PHF21A: variants seen among roughly 807,000 people sequenced by gnomAD.
The protein encoded by PHF21A is BHC80a.
In PHF21A, 11 loss-of-function variants were observed where a neutral mutation model predicts 82.5. The ratio of observed to expected loss-of-function variants is 0.13; its 90% confidence interval spans 0.08 to 0.22. PHF21A has a LOEUF of 0.22. Among genes scored for constraint, PHF21A ranks in the 10% least tolerant of loss-of-function variants. The pLI, the probability that PHF21A is intolerant of heterozygous loss-of-function variation, is 1.00. For synonymous variants in PHF21A, 297 were observed against 302.8 expected, an observed-to-expected ratio of 0.98 and a Z score of 0.20; for missense variants, 579 against 837.8, an observed-to-expected ratio of 0.69 and a Z score of 3.81.
intron 10 of PHF21A, among the ~76,000 whole-genome samples, chr11:45,958,395 T>TAAAAAAAAAA: frequency 8.7e-4 from 1 of 1,146 alleles, no homozygotes; most frequent in Non-Finnish European, 1.5e-3. Context: ...AAACCTGGTC[T>TAAAAAAAAAA]CAAAAAAAAA....
intron 6 of PHF21A, among the ~76,000 whole-genome samples, chr11:46,030,677 T>C (rs2095845835): frequency 6.6e-6 from 1 of 152,212 alleles, no homozygotes; most frequent in Admixed American, 6.5e-5. Context: ...ATAAACATAA[T>C]AAAACCAATT....
chr11:45,992,683 T>G (rs190713131), intron 6 of PHF21A, among the ~76,000 whole-genome samples: 3 of 152,318 alleles, frequency 2.0e-5, no homozygotes, highest in Non-Finnish European at 2.9e-5. Context: ...GGAAAATGCA[T>G]AGACAAAAGG....
Position 45,979,447 on chromosome 11 carries a change from T to A in PHF21A, c.360+313A>T, listed in dbSNP as rs2094186065. Among the ~76,000 whole-genome samples, 5 of 152,280 alleles carry A rather than the reference T, an allele frequency of 3.3e-5. No homozygotes were observed. In the South Asian group the frequency reaches 1.0e-3, roughly 32 times the overall value. On this transcript the variant is annotated intron_variant, in intron 7 of 18. Coordinates refer to ENST00000676320, the MANE Select transcript of PHF21A (RefSeq NM_001352027.3). ...AACTTTTAGAACAAGTGTAAATAAA[T>A]ACCTCCAAAAATTCAAAATAAGGTT... is the stretch of plus-strand genomic sequence containing the variant.
At chr11:46,046,644 T>A (rs1258389760) in intron 6 of PHF21A, among the ~76,000 whole-genome samples, 1 of 152,158 alleles carries the variant, frequency 6.6e-6, no homozygotes, top group African/African-American at 2.4e-5. Context: ...GTCAAAAGGG[T>A]TGGTAATGGT....
chr11:45,946,756 C>T (rs941716563), intron 14 of PHF21A, among the ~76,000 whole-genome samples: 6 of 152,176 alleles, frequency 3.9e-5, no homozygotes, highest in African/African-American at 1.2e-4. Flanking sequence ...TTTAATGATT[C>T]TCAGTTCCCA....
chr11:46,014,750 G>A (rs970345404), intron 6 of PHF21A, among the ~76,000 whole-genome samples: 2 of 47,730 alleles, frequency 4.2e-5, no homozygotes, highest in African/African-American at 2.6e-4. Context: ...GGAGGCCGAG[G>A]CGGGCGGATC....
chr11:46,036,446 C>T (rs1286954855), intron 6 of PHF21A, among the ~76,000 whole-genome samples: 1 of 152,090 alleles, frequency 6.6e-6, no homozygotes, highest in African/African-American at 2.4e-5. Context: ...TGTCAAATTC[C>T]CCAAAATATT....
intron 1 of PHF21A, among the ~76,000 whole-genome samples, chr11:46,093,830 G>A (rs188819079): frequency 7.9e-5 from 12 of 152,220 alleles, no homozygotes; most frequent in Middle Eastern, 3.4e-3. Context: ...CTTATGCATC[G>A]ATTTCCAGCA....
At chr11:46,079,991 T>C (rs1242157168) in intron 4 of PHF21A, among the ~76,000 whole-genome samples, 2 of 152,024 alleles carry the variant, frequency 1.3e-5, no homozygotes, top group African/African-American at 4.8e-5. Context: ...CAGAAGAATA[T>C]GAAGGATAAA....
chr11:46,106,317 G>T (rs962303271), intron 1 of PHF21A, among the ~76,000 whole-genome samples: 1 of 152,090 alleles, frequency 6.6e-6, no homozygotes, highest in African/African-American at 2.4e-5. Context: ...ACAAAAGGGT[G>T]GGGGGGAACC....
chr11:46,096,917 A>G (rs1008242865), intron 1 of PHF21A, among the ~76,000 whole-genome samples: 1 of 152,146 alleles, frequency 6.6e-6, no homozygotes, highest in Admixed American at 6.6e-5. Context: ...CTTCCTCCTC[A>G]GAGTCATTCC....
intron 4 of PHF21A, among the ~76,000 whole-genome samples, chr11:46,080,943 C>T (rs1455262657): frequency 3.3e-5 from 5 of 152,222 alleles, no homozygotes; most frequent in Non-Finnish European, 5.9e-5. Context: ...AGATTACAGG[C>T]GTAAGCCACC....
intron 17 of PHF21A, among the ~76,000 whole-genome samples, chr11:45,936,110 C>G (rs2088954174): frequency 6.6e-6 from 1 of 152,022 alleles, no homozygotes; most frequent in African/African-American, 2.4e-5. Context: ...AAACCTGTCT[C>G]CACCAAAAAA....
intron 1 of PHF21A, among the ~76,000 whole-genome samples, chr11:46,102,247 C>A (rs1468792875): frequency 3.9e-5 from 6 of 152,216 alleles, no homozygotes; most frequent in Admixed American, 1.3e-4. Context: ...CTACACCTAA[C>A]CAGGAGCTAC....
chr11:46,019,014 G>A (rs1210444724), intron 6 of PHF21A, among the ~76,000 whole-genome samples: 2 of 151,558 alleles, frequency 1.3e-5, no homozygotes, highest in Admixed American at 1.3e-4. Flanking sequence ...AACTCATTTG[G>A]TCAAAATAAG....
At chr11:45,938,895 G>A (rs1206800354) in intron 15 of PHF21A, among the ~76,000 whole-genome samples, 1 of 151,336 alleles carries the variant, frequency 6.6e-6, no homozygotes, top group Non-Finnish European at 1.5e-5. Flanking sequence ...GTGCAGTGGC[G>A]CGATCTCAGC....
At chr11:46,038,254 G>A (rs2096058197) in intron 6 of PHF21A, among the ~76,000 whole-genome samples, 2 of 151,858 alleles carry the variant, frequency 1.3e-5, no homozygotes, top group Admixed American at 6.6e-5. Flanking sequence ...AGCCTCCTGA[G>A]TAGCTGAGAT....
intron 6 of PHF21A, among the ~76,000 whole-genome samples, chr11:45,980,445 CA>C (rs1425789416): frequency 4.6e-5 from 7 of 152,110 alleles, no homozygotes; most frequent in Non-Finnish European, 7.3e-5. Context: ...TTATGAGCAC[CA>C]AATGACTTGT....
intron 6 of PHF21A, among the ~76,000 whole-genome samples, chr11:46,020,753 G>A (rs540217858): frequency 6.6e-6 from 1 of 152,136 alleles, no homozygotes; most frequent in African/African-American, 2.4e-5. Flanking sequence ...ATAAAGCCAT[G>A]ATAGTTATGG....
Sources: gnomAD v4.1 joint callset for allele counts (sites outside exome capture counted in the v4.1 genomes callset) on GRCh38, gnomAD v4.1.1 for gene constraint, MANE v1.5 for transcripts, NCBI Gene and HGNC (gene_info 2026-07-23, HGNC 2026-07-21) for gene names.